The following HECTD4 variants were observed in gnomAD, a reference collection of about 807,000 sequenced individuals.
HECTD4 encodes probable E3 ubiquitin-protein ligase HECTD4.
A neutral mutation model predicts 471.5 loss-of-function variants in HECTD4; 114 were observed. The observed-to-expected ratio is 0.24, with a 90% CI of 0.21 to 0.28. HECTD4 has a LOEUF of 0.28. Among genes scored for constraint, HECTD4 ranks in the 10% least tolerant of loss-of-function variants. HECTD4 has a pLI of 1.00. For missense variants in HECTD4, 3,866 were observed against 5,651.5 expected (o/e 0.68, Z 10.13); for synonymous variants, 2,012 against 2,256.0 (o/e 0.89, Z 3.07).
intron 55 of HECTD4, among the ~76,000 whole-genome samples, chr12:112,197,934 C>G (rs114517001): frequency 8.6e-4 from 131 of 152,300 alleles, no homozygotes; most frequent in African/African-American, 3.0e-3. Flanking sequence ...CTCCTGGGAT[C>G]AAGTGATTCT....
intron 8 of HECTD4, among the ~76,000 whole-genome samples, chr12:112,282,576 G>A (rs1035869395): frequency 6.6e-6 from 1 of 152,088 alleles, no homozygotes; most frequent in Non-Finnish European, 1.5e-5. Flanking sequence ...GGTGGGGTAG[G>A]GTGGGGTCAC....
chr12:112,183,953 CG>C lies in HECTD4; in HGVS notation c.10779+233del, dbSNP rs2031764656. Among the ~76,000 whole-genome samples the C allele has an allele frequency of 3.3e-5, 5 of 152,346 alleles. No individual in the cohort carries two copies. In the South Asian group the frequency reaches 1.0e-3, roughly 32 times the overall value. The stretch of plus-strand genomic sequence containing the variant: ...ATGCACTGATGGCGCCCACCCACCG[CG>C]GAAGGCCAGGCCCTGAGCCCTCTGG... On this transcript the variant is annotated intron_variant, in intron 61 of 75. Transcript: ENST00000682272.
At chr12:112,217,314 C>G (rs1262638172) in intron 45 of HECTD4, 119 bp from the exon 46 acceptor site, 8 of 551,824 alleles carry the variant, frequency 1.4e-5, no homozygotes, top group Non-Finnish European at 1.2e-5. Flanking sequence ...CACACACACA[C>G]ACATACACAC....
At chr12:112,233,627 G>A (rs925666598) in intron 37 of HECTD4, among the ~76,000 whole-genome samples, 2 of 152,052 alleles carry the variant, frequency 1.3e-5, no homozygotes, top group African/African-American at 2.4e-5. Flanking sequence ...AAACAACAGC[G>A]TTTTTAGAGT....
chr12:112,192,456 G>A, intron 59 of HECTD4, 104 bp downstream of exon 59: 1 of 818,682 alleles, frequency 1.2e-6, no homozygotes, highest in Non-Finnish European at 1.8e-6. Flanking sequence ...TTTATCAATA[G>A]GAACTGGAAC....
Position 112,185,406 on chromosome 12 carries a change from G to T in HECTD4, c.9560C>A (p.Thr3187Asn), listed in dbSNP as rs202198832. ...AGCGGGGTGCCGCCTCTGCTCCAGG[G>T]TGTGCACCGTGCGCAGGAGCTCTGC... ...LLAELLRTVH[T>N]LEQRRHPAGL... The change falls in exon 61 of 76, where the codon ACC becomes AAC. Residue 3187 changes from threonine (T) to asparagine (N), a missense_variant. Around this residue, in one of 16 missense-constraint regions of HECTD4, gnomAD observed 364 missense variants for 413.2 expected, o/e 0.88. Transcript: ENST00000682272. The T allele has an allele frequency of 5.6e-6, 9 of 1,610,894 alleles. No homozygotes were observed. The highest frequency in any genetic ancestry group is 1.3e-5 in the African/African-American group (1 of 74,990).
chr12:112,334,267 C>T (rs1405932065), intron 1 of HECTD4, among the ~76,000 whole-genome samples: 1 of 150,574 alleles, frequency 6.6e-6, no homozygotes, highest in Non-Finnish European at 1.5e-5. Context: ...AGAAAATCTT[C>T]ACAATCTATA....
chr12:112,273,725 G>T lies in HECTD4; in HGVS notation c.1872C>A (p.Asn624Lys). 6.2e-7 allele frequency: 1 copy of T among 1,613,828 alleles called. No homozygotes were observed. Among genetic ancestry groups the T allele is most frequent in the Non-Finnish European group, 8.5e-7 (1 of 1,179,756 alleles). The change falls in exon 11 of 76, where the codon AAC becomes AAA. Residue 624 changes from asparagine to lysine, a missense_variant. Around this residue, in one of 16 missense-constraint regions of HECTD4, gnomAD observed 525 missense variants for 672.6 expected, o/e 0.78. Transcript: ENST00000682272. ...CATAATGGAAGGCTTGATTCCCAGG[G>T]TTACACCACTGATCGATATAGTCAT... ...CSNDYIDQWC[N>K]PGNQAFHYVC...
intron 2 of HECTD4, among the ~76,000 whole-genome samples, chr12:112,318,109 T>C (rs2035519217): frequency 6.6e-6 from 1 of 151,666 alleles, no homozygotes; most frequent in Admixed American, 6.6e-5. Flanking sequence ...ACCCCATCTC[T>C]ACTAAAAATA....
chr12:112,317,458 G>A (rs1476716458), intron 2 of HECTD4, among the ~76,000 whole-genome samples: 4 of 152,120 alleles, frequency 2.6e-5, no homozygotes, highest in Non-Finnish European at 4.4e-5. Context: ...AATTATCCAA[G>A]AAGAATTCTC....
At chr12:112,372,291 G>T (rs748881952) in intron 1 of HECTD4, among the ~76,000 whole-genome samples, 1 of 151,236 alleles carries the variant, frequency 6.6e-6, no homozygotes, top group Non-Finnish European at 1.5e-5. Flanking sequence ...ATGGAGTCTC[G>T]CTTTGTCGCC....
intron 7 of HECTD4, among the ~76,000 whole-genome samples, chr12:112,290,743 G>A (rs1043481492): frequency 6.6e-6 from 1 of 151,584 alleles, no homozygotes; most frequent in Middle Eastern, 3.4e-3. Flanking sequence ...AGCTACTCGG[G>A]AGGCTGAGGC....
intron 14 of HECTD4, 98 bp downstream of exon 14, chr12:112,266,813 CA>C (rs1390905809): frequency 1.4e-6 from 1 of 715,954 alleles, no homozygotes; most frequent in Non-Finnish European, 2.5e-6. Flanking sequence ...TGCTGACTAA[CA>C]TACATGAAGA....
At chr12:112,300,864 C>G (rs1008673606) in intron 7 of HECTD4, among the ~76,000 whole-genome samples, 2 of 151,924 alleles carry the variant, frequency 1.3e-5, no homozygotes, top group Admixed American at 1.3e-4. Flanking sequence ...ACTACTGCAC[C>G]CAGCCTGTAT....
chr12:112,293,273 G>A (rs2034932717), intron 7 of HECTD4, among the ~76,000 whole-genome samples: 1 of 150,952 alleles, frequency 6.6e-6, no homozygotes, highest in African/African-American at 2.4e-5. Context: ...GCTGAGGCAG[G>A]AGAATCGCTT....
At position 112,173,783 on chromosome 12, in the gene HECTD4, A is replaced by C. The variant is rs2031330079; in HGVS notation, c.11595-922T>G. Among the ~76,000 whole-genome samples, 1 of 151,828 alleles carries C rather than the reference A, an allele frequency of 6.6e-6. No homozygotes were observed. The highest frequency in any genetic ancestry group is 1.5e-5 in the Non-Finnish European group (1 of 67,974). On this transcript the variant is annotated intron_variant, in intron 66 of 75. Coordinates refer to ENST00000682272, the MANE Select transcript of HECTD4 (RefSeq NM_001388303.1). The surrounding 1 kb of genome is among the most constrained non-coding windows in gnomAD (Gnocchi z 4.3). ...TGGGCTCAAGCCATCCTCCCACCTC[A>C]GCTCCCAAAGTGCTAGGGTTTCTAA...
intron 49 of HECTD4, among the ~76,000 whole-genome samples, chr12:112,210,783 C>T (rs1263116477): frequency 1.3e-5 from 2 of 152,230 alleles, no homozygotes; most frequent in Non-Finnish European, 2.9e-5. Context: ...TATTTGACTA[C>T]TGTCTGATTG....
At chr12:112,368,968 A>T (rs2036616809) in intron 1 of HECTD4, among the ~76,000 whole-genome samples, 1 of 152,196 alleles carries the variant, frequency 6.6e-6, no homozygotes, top group Non-Finnish European at 1.5e-5. Context: ...ACTGCTGTGC[A>T]TTCTGAGCAC....
chr12:112,371,460 A>G (rs2036667249), intron 1 of HECTD4, among the ~76,000 whole-genome samples: 1 of 152,154 alleles, frequency 6.6e-6, no homozygotes, highest in Non-Finnish European at 1.5e-5. Context: ...CTGTAATCTC[A>G]GCTACTTGGG....
Sources: gnomAD v4.1 joint callset for allele counts (sites outside exome capture counted in the v4.1 genomes callset) on GRCh38, gnomAD v4.1.1 for gene constraint, gnomAD v4.1.1 regional missense constraint, Gnocchi (gnomAD v3.1) non-coding constraint, MANE v1.5 for transcripts, NCBI Gene and HGNC (gene_info 2026-07-23, HGNC 2026-07-21) for gene names.